SMIM10L3: variants seen among roughly 807,000 people sequenced by gnomAD.
SMIM10L3 encodes the protein small integral membrane protein 10 like 3.
At chr7:6,332,256 G>A in the SMIM10L3 span, among the ~76,000 whole-genome samples, 2 of 151,954 alleles carry the variant, frequency 1.3e-5, no homozygotes, top group African/African-American at 4.8e-5. Context: ...TTACAACTCT[G>A]TCATTTGCCC....
At chr7:6,335,943 C>T in the SMIM10L3 span, among the ~76,000 whole-genome samples, 16 of 152,086 alleles carry the variant, frequency 1.1e-4, no homozygotes, top group African/African-American at 2.9e-4. Flanking sequence ...GAGGCCAAGA[C>T]GGATGGATCA....
the SMIM10L3 span, chr7:6,348,700 G>C: frequency 2.3e-6 from 1 of 442,008 alleles, no homozygotes; most frequent in Non-Finnish European, 4.0e-6. Context: ...GACCCCATAG[G>C]AGCGGGCGGC....
the SMIM10L3 span, among the ~76,000 whole-genome samples, chr7:6,344,062 T>C: frequency 6.6e-6 from 1 of 151,816 alleles, no homozygotes; most frequent in Non-Finnish European, 1.5e-5. Flanking sequence ...ACTTTTAATG[T>C]TTTGTAGTGA....
the SMIM10L3 span, among the ~76,000 whole-genome samples, chr7:6,334,752 C>T: frequency 6.6e-6 from 1 of 151,936 alleles, no homozygotes; most frequent in South Asian, 2.1e-4. Context: ...AGGCGTGAGC[C>T]ACCACGCCCA....
At chr7:6,330,530 T>C in the SMIM10L3 span, 3 of 1,614,174 alleles carry the variant, frequency 1.9e-6, no homozygotes, top group African/African-American at 2.7e-5. Context: ...AAAATGCGTT[T>C]TGTCTCCTCA....
the SMIM10L3 span, among the ~76,000 whole-genome samples, chr7:6,333,846 T>A: frequency 5.4e-5 from 8 of 148,030 alleles, no homozygotes; most frequent in East Asian, 1.4e-3. Context: ...GCCTCTTTTT[T>A]TTTTTTTTTT....
At chr7:6,348,139 A>ACC in the SMIM10L3 span, among the ~76,000 whole-genome samples, 1 of 148,868 alleles carries the variant, frequency 6.7e-6, no homozygotes, top group Non-Finnish European at 1.5e-5. Context: ...CGAACTCCTG[A>ACC]CCTCAGGTAA....
At chr7:6,348,124 G>C in the SMIM10L3 span, among the ~76,000 whole-genome samples, 1 of 150,808 alleles carries the variant, frequency 6.6e-6, no homozygotes, top group Non-Finnish European at 1.5e-5. Context: ...TGGTCAGGCT[G>C]GTCTCGAACT....
chr7:6,333,151 A>G, the SMIM10L3 span, among the ~76,000 whole-genome samples: 2 of 145,016 alleles, frequency 1.4e-5, no homozygotes, highest in Non-Finnish European at 3.0e-5. Context: ...GCAAGACTCC[A>G]TCCCAAATAA....
chr7:6,345,648 T>C, the SMIM10L3 span, among the ~76,000 whole-genome samples: 1 of 152,222 alleles, frequency 6.6e-6, no homozygotes, highest in Non-Finnish European at 1.5e-5. Flanking sequence ...TTTTTACAAA[T>C]GACTGCAAAT....
the SMIM10L3 span, among the ~76,000 whole-genome samples, chr7:6,337,037 T>C: frequency 2.6e-5 from 4 of 152,114 alleles, no homozygotes; most frequent in South Asian, 8.3e-4. Flanking sequence ...GATTCCTAAA[T>C]ATATTTCAAT....
the SMIM10L3 span, chr7:6,330,262 A>G: frequency 9.2e-7 from 1 of 1,090,020 alleles, no homozygotes; most frequent in Non-Finnish European, 1.3e-6. Context: ...CAGGTCGTAC[A>G]AAACTACAGC....
chr7:6,340,740 A>T, the SMIM10L3 span, among the ~76,000 whole-genome samples: 8 of 151,576 alleles, frequency 5.3e-5, no homozygotes, highest in African/African-American at 1.5e-4. Flanking sequence ...TCTACTAAAA[A>T]TACAAAAAAT....
the SMIM10L3 span, among the ~76,000 whole-genome samples, chr7:6,345,752 GT>G: frequency 6.6e-6 from 1 of 151,632 alleles, no homozygotes; most frequent in Non-Finnish European, 1.5e-5. Context: ...TTTAAAATCT[GT>G]TTTTTTGGTG....
the SMIM10L3 span, among the ~76,000 whole-genome samples, chr7:6,342,452 T>C: frequency 6.6e-6 from 1 of 151,762 alleles, no homozygotes; most frequent in Non-Finnish European, 1.5e-5. Flanking sequence ...GGCAGGAGAA[T>C]CACTTGAACC....
the SMIM10L3 span, among the ~76,000 whole-genome samples, chr7:6,341,718 C>T: frequency 6.6e-6 from 1 of 151,492 alleles, no homozygotes; most frequent in Non-Finnish European, 1.5e-5. Flanking sequence ...TGAGTGCGCG[C>T]CAGGTGCAGT....
chr7:6,347,333 G>A, the SMIM10L3 span, among the ~76,000 whole-genome samples: 1 of 151,742 alleles, frequency 6.6e-6, no homozygotes, highest in African/African-American at 2.4e-5. Context: ...TGGCCAACAT[G>A]GTGAAAACCC....
chr7:6,341,140 T>TC, the SMIM10L3 span, among the ~76,000 whole-genome samples: 203 of 129,644 alleles, frequency 1.6e-3, no homozygotes, highest in Non-Finnish European at 2.7e-3. Context: ...CAAGACTCTG[T>TC]CCCAAAAAAA....
At chr7:6,333,840 CTT>C in the SMIM10L3 span, among the ~76,000 whole-genome samples, 8 of 96,824 alleles carry the variant, frequency 8.3e-5, no homozygotes, top group South Asian at 3.6e-4. Flanking sequence ...CTCCTGGCCT[CTT>C]TTTTTTTTTT....
Sources: gnomAD v4.1 joint callset for allele counts (sites outside exome capture counted in the v4.1 genomes callset) on GRCh38, gnomAD v4.1.1 for gene constraint, MANE v1.5 for transcripts, NCBI Gene and HGNC (gene_info 2026-07-23, HGNC 2026-07-21) for gene names.